The following WNK1 variants were observed in gnomAD, a reference collection of about 807,000 sequenced individuals.
The protein encoded by WNK1 is WNK lysine deficient protein kinase 1.
WNK1 carries 38 observed loss-of-function variants against 222.8 expected under a neutral mutation model. That is an observed-to-expected ratio of 0.17 (90% confidence interval 0.13 to 0.22). WNK1 has a LOEUF of 0.22. Among genes scored for constraint, WNK1 ranks in the 10% least tolerant of loss-of-function variants. The pLI is 1.00. For synonymous variants in WNK1, 1,090 were observed against 1,092.9 expected (o/e 1.00, Z 0.05); for missense variants, 2,348 against 2,918.4 (o/e 0.80, Z 4.50).
intron 20 of WNK1, among the ~76,000 whole-genome samples, chr12:888,139 T>C (rs959015657): frequency 6.6e-6 from 1 of 152,222 alleles, no homozygotes; most frequent in East Asian, 1.9e-4. Context: ...GGAATTTATT[T>C]TTGAATCATA....
intron 4 of WNK1, among the ~76,000 whole-genome samples, chr12:846,907 G>A (rs1950064987): frequency 6.6e-6 from 1 of 152,142 alleles, no homozygotes; most frequent in Non-Finnish European, 1.5e-5. Flanking sequence ...AATTTGTTGT[G>A]CTATCAGTGA....
rs572694428 is a variant in WNK1, at chr12:909,909, C to CA, written c.*1118dup. The stretch of plus-strand genomic sequence containing the variant: ...GTAGGGTGGGAAGTTAGGTTGGCAT[C>CA]AGTGGTTAAAAACAGAAAGTTCTGT... On this transcript the variant is annotated 3_prime_UTR_variant, in exon 28 of 28. Coordinates refer to ENST00000315939, the MANE Select transcript of WNK1 (RefSeq NM_018979.4). 99 of 152,262 alleles carry CA rather than the reference C, an allele frequency of 6.5e-4. No homozygotes were observed. The highest frequency in any genetic ancestry group is 2.3e-3 in the African/African-American group (95 of 41,532). The allele number at this position is 152,262 out of a possible 1,614,324, so 9.4% of individuals were successfully genotyped here.
Position 753,687 on chromosome 12 carries a change from C to T in WNK1, c.122C>T (p.Ala41Val). Residue 41 changes from alanine (A) to valine (V), a missense_variant, in exon 1 of 28, where the codon GCC (alanine) becomes GTC (valine). By Grantham distance (64) the Ala-to-Val change is moderately conservative. Transcript: ENST00000315939. The surrounding 1 kb of genome is among the most constrained non-coding windows in gnomAD (Gnocchi z 5.2). ...SDSSVGEKLG[A>V]AAADAVTGRT... ...TCCTCCGTGGGGGAGAAACTGGGAG[C>T]CGCGGCCGCCGACGCTGTGACCGGC... The T allele has an allele frequency of 6.2e-7, 1 of 1,612,010 alleles. No individual in the cohort carries two copies. Among genetic ancestry groups the T allele is most frequent in the Non-Finnish European group, 8.5e-7 (1 of 1,179,766 alleles).
At chr12:769,977 T>C (rs1942270787) in intron 1 of WNK1, among the ~76,000 whole-genome samples, 1 of 143,022 alleles carries the variant, frequency 7.0e-6, no homozygotes, top group Non-Finnish European at 1.5e-5. Context: ...CATAAGTTTC[T>C]TTTTTTTTTT....
intron 1 of WNK1, among the ~76,000 whole-genome samples, chr12:794,470 A>G (rs79440276): frequency 0.011 from 1,673 of 150,500 alleles, 16 homozygotes; most frequent in Non-Finnish European, 0.018. Flanking sequence ...CCTTTATCCA[A>G]CTGAAGATGT....
rs148068882 is a variant in WNK1, at chr12:908,507, T to G, written c.6864T>G (p.Pro2288=). Residue 2288 remains proline, a synonymous_variant, in exon 28 of 28, where the codon CCT becomes CCG. Coordinates refer to ENST00000315939, the MANE Select transcript of WNK1 (RefSeq NM_018979.4). ...GAATGGCAAGGAAGTTCTCTGCACCTGGGCAACTGTGCATCTCCATGACCT... is the reference window on the plus strand; with the variant it reads ...GAATGGCAAGGAAGTTCTCTGCACCGGGGCAACTGTGCATCTCCATGACCT... The part of the protein sequence containing the change: ...GPGMARKFSA[P]GQLCISMTSN... 5 of 1,614,094 alleles carry G rather than the reference T, an allele frequency of 3.1e-6. No homozygotes were observed. Among genetic ancestry groups the G allele is most frequent in the Admixed American group, 1.7e-5 (1 of 60,002 alleles).
chr12:765,597 T>C (rs1229311940), intron 1 of WNK1, among the ~76,000 whole-genome samples: 1 of 120,088 alleles, frequency 8.3e-6, no homozygotes, highest in African/African-American at 2.6e-5. Context: ...TGGAATGTGC[T>C]ATATCCAGAT....
At chr12:801,195 G>A (rs191757315) in intron 1 of WNK1, among the ~76,000 whole-genome samples, 36 of 152,254 alleles carry the variant, frequency 2.4e-4, no homozygotes, top group Non-Finnish European at 4.6e-4. Context: ...AAAGTAAGCT[G>A]TTTATACTGT....
At chr12:814,681 C>T (rs1344793650) in intron 2 of WNK1, among the ~76,000 whole-genome samples, 1 of 151,990 alleles carries the variant, frequency 6.6e-6, no homozygotes, top group African/African-American at 2.4e-5. Context: ...AGCAGCAGTC[C>T]CCAACCTTTT....
chr12:815,258 A>G (rs955549533), intron 2 of WNK1, among the ~76,000 whole-genome samples: 1 of 152,172 alleles, frequency 6.6e-6, no homozygotes, highest in East Asian at 1.9e-4. Context: ...TACCTTGTAT[A>G]AATTTTTTAT....
intron 26 of WNK1, chr12:906,823 T>C (rs1955738617): frequency 1.1e-6 from 1 of 885,808 alleles, no homozygotes; most frequent in African/African-American, 1.8e-5. Flanking sequence ...CAGGATTGCC[T>C]GAGCCCAGCA....
chr12:810,476 AGACTTGAG>A (rs1310710221), intron 1 of WNK1, among the ~76,000 whole-genome samples: 2 of 152,218 alleles, frequency 1.3e-5, no homozygotes, highest in African/African-American at 4.8e-5. Flanking sequence ...AATGTTAATA[AGACTTGAG>A]GACCAGATAA....
rs11571497 is a variant in WNK1, at chr12:911,205, G to T, written c.*2413G>T. On this transcript the variant is annotated 3_prime_UTR_variant, in exon 28 of 28. Transcript: ENST00000315939. Reference sequence around the variant, plus strand: ...TTTTTGTGTTAATAGTACACTTTGAGTATCTTTTTCCACATTAAAAACTTT... The same window carrying T: ...TTTTTGTGTTAATAGTACACTTTGATTATCTTTTTCCACATTAAAAACTTT... 4,773 of 398,098 alleles carry T rather than the reference G, an allele frequency of 0.012. 56 individuals are homozygous for T. Among genetic ancestry groups the T allele is most frequent in the South Asian group, 0.052 (405 of 7,754 alleles). The allele number at this position is 398,098 out of a possible 1,614,324, so 24.7% of individuals were successfully genotyped here. A position where few individuals can be genotyped will look rare whatever the true frequency, so the allele number is the denominator to read the frequency against.
At chr12:762,223 C>T (rs563259389) in intron 1 of WNK1, among the ~76,000 whole-genome samples, 2 of 145,850 alleles carry the variant, frequency 1.4e-5, no homozygotes, top group East Asian at 3.9e-4. Context: ...CCATGCCCAA[C>T]TAATTTTTGT....
intron 8 of WNK1, among the ~76,000 whole-genome samples, chr12:864,224 C>T (rs1951445769): frequency 6.6e-6 from 1 of 151,494 alleles, no homozygotes; most frequent in Non-Finnish European, 1.5e-5. Flanking sequence ...TCTCCTGCCT[C>T]AGCCTCCCCA....
rs529388079 is a variant in WNK1, at chr12:880,580, G to A, written c.2833-141G>A. On this transcript the variant is annotated intron_variant, in intron 11 of 27. Transcript: ENST00000315939. The stretch of plus-strand genomic sequence containing the variant: ...CATTTCAAGAATGTGGTCTTTATAT[G>A]CCCTTTAGATTATTAGAAAGAGATT... 10 of 922,700 alleles carry A rather than the reference G, an allele frequency of 1.1e-5. No individual in the cohort carries two copies. The South Asian group carries it at 1.1e-4, about 10-fold the overall frequency. 57.2% of individuals were successfully genotyped at this position (922,700 alleles called of 1,614,324 possible). A position where few individuals can be genotyped will look rare whatever the true frequency, so the allele number is the denominator to read the frequency against.
At chr12:871,154 C>T in intron 8 of WNK1, 111 bp from the exon 9 acceptor site, 2 of 1,039,936 alleles carry the variant, frequency 1.9e-6, no homozygotes, top group Non-Finnish European at 3.0e-6. Context: ...GTTAATGTTT[C>T]ATTTTGATCA....
At chr12:771,149 C>T (rs1307807704) in intron 1 of WNK1, among the ~76,000 whole-genome samples, 1 of 151,960 alleles carries the variant, frequency 6.6e-6, no homozygotes, top group Non-Finnish European at 1.5e-5. Flanking sequence ...AGGTGCATGC[C>T]ACCACGCCCG....
At chr12:853,904 G>A (rs548203075) in intron 4 of WNK1, among the ~76,000 whole-genome samples, 3 of 151,986 alleles carry the variant, frequency 2.0e-5, no homozygotes, top group African/African-American at 2.4e-5. Flanking sequence ...CGTATGTGCC[G>A]CCACACCCCA....
Sources: gnomAD v4.1 joint callset for allele counts (sites outside exome capture counted in the v4.1 genomes callset) on GRCh38, gnomAD v4.1.1 for gene constraint, Gnocchi (gnomAD v3.1) non-coding constraint, MANE v1.5 for transcripts, NCBI Gene and HGNC (gene_info 2026-07-23, HGNC 2026-07-21) for gene names.